NMBR: variants seen among roughly 807,000 people sequenced by gnomAD.
NMBR encodes neuromedin-B receptor.
In NMBR, 16 loss-of-function variants were observed where a neutral mutation model predicts 20.5. The observed-to-expected ratio is 0.78, with a 90% CI of 0.53 to 1.19. NMBR has a LOEUF of 1.19. Among genes scored for constraint, NMBR ranks in the 50% most tolerant of loss-of-function variants. The pLI is 0.00. For missense variants in NMBR, 582 were observed against 499.1 expected (o/e 1.17, Z -1.58); for synonymous variants, 212 against 196.6 (o/e 1.08, Z -0.65).
intron 1 of NMBR, among the ~76,000 whole-genome samples, chr6:142,109,089 C>T (rs1374063654): frequency 6.6e-6 from 1 of 152,200 alleles, no homozygotes; most frequent in African/African-American, 2.4e-5. Flanking sequence ...CAGCTCCAAC[C>T]CTGTGGCTTT....
chr6:142,107,632 T>C (rs1195151576), intron 1 of NMBR, among the ~76,000 whole-genome samples: 2 of 152,158 alleles, frequency 1.3e-5, no homozygotes, highest in Non-Finnish European at 2.9e-5. Flanking sequence ...TACTACAGTA[T>C]ATTTTCTAAA....
chr6:142,123,858 C>A (rs1439988520), intron 1 of NMBR, among the ~76,000 whole-genome samples: 1 of 151,908 alleles, frequency 6.6e-6, no homozygotes, highest in Non-Finnish European at 1.5e-5. Context: ...CCGTAGTTTG[C>A]CGAACCCCTT....
rs1415450338 is a variant in NMBR, at chr6:142,093,654, T to C, written c.-663-4333A>G. Among the ~76,000 whole-genome samples, 7 of 152,290 alleles carry C rather than the reference T, an allele frequency of 4.6e-5. No individual in the cohort carries two copies. The South Asian group carries it at 1.4e-3, about 32-fold the overall frequency. ...TTATAGCAGCATGATTTATAATCCT[T>C]TGGGTATATACCCAGTAATGGGATT... On this transcript the variant is annotated intron_variant, in intron 1 of 3. Transcript: ENST00000258042.
chr6:142,086,166 C>T (rs548516815), intron 2 of NMBR, among the ~76,000 whole-genome samples: 10 of 151,900 alleles, frequency 6.6e-5, no homozygotes, highest in African/African-American at 1.9e-4. Flanking sequence ...CTTTAAATGG[C>T]GTTCAAACAT....
At chr6:142,092,075 C>T (rs1398282550) in intron 1 of NMBR, among the ~76,000 whole-genome samples, 1 of 151,936 alleles carries the variant, frequency 6.6e-6, no homozygotes, top group Admixed American at 6.6e-5. Context: ...CAAGTATACT[C>T]GCTATTATCA....
chr6:142,146,258 G>A (rs1292074294), intron 1 of NMBR, among the ~76,000 whole-genome samples: 1 of 152,210 alleles, frequency 6.6e-6, no homozygotes, highest in Non-Finnish European at 1.5e-5. Flanking sequence ...GGGTGAGAGA[G>A]TGATCAGAAA....
intron 1 of NMBR, among the ~76,000 whole-genome samples, chr6:142,109,826 T>A (rs1256812886): frequency 6.6e-6 from 1 of 152,112 alleles, no homozygotes; most frequent in Non-Finnish European, 1.5e-5. Context: ...ATTGATGCCC[T>A]CATAAAAGAG....
chr6:142,078,043 C>G (rs1293274513), intron 3 of NMBR, among the ~76,000 whole-genome samples: 1 of 152,116 alleles, frequency 6.6e-6, no homozygotes, highest in African/African-American at 2.4e-5. Context: ...TGGATTGCAC[C>G]TTTGGGTTCC....
intron 1 of NMBR, among the ~76,000 whole-genome samples, chr6:142,116,658 T>G (rs924864159): frequency 1.6e-4 from 25 of 152,184 alleles, no homozygotes; most frequent in Admixed American, 1.2e-3. Context: ...AAAGATCTTT[T>G]TGTATCATTT....
chr6:142,143,089 A>AAT (rs1331039416), intron 1 of NMBR, among the ~76,000 whole-genome samples: 2 of 152,130 alleles, frequency 1.3e-5, no homozygotes, highest in South Asian at 2.1e-4. Context: ...TAACTTTAAA[A>AAT]ATATATATAA....
chr6:142,107,896 A>G (rs1487072202), intron 1 of NMBR, among the ~76,000 whole-genome samples: 1 of 152,186 alleles, frequency 6.6e-6, no homozygotes, highest in Non-Finnish European at 1.5e-5. Flanking sequence ...TATTTTAAAA[A>G]ACAAATGGAA....
At chr6:142,105,651 T>TAAC (rs2114584737) in intron 1 of NMBR, among the ~76,000 whole-genome samples, 1 of 152,298 alleles carries the variant, frequency 6.6e-6, no homozygotes, top group Non-Finnish European at 1.5e-5. Context: ...CATTTTTGTT[T>TAAC]ATACTTTTGT....
rs777023719 is a variant in NMBR at position 142,078,649 on chromosome 6, G to A, written c.677C>T (p.Ala226Val). 1.2e-6 allele frequency: 2 copies of A among 1,612,402 alleles called. No individual in the cohort carries two copies. The highest frequency in any genetic ancestry group is 1.7e-6 in the Non-Finnish European group (2 of 1,178,696). Residue 226 changes from alanine to valine, a missense_variant, in exon 3 of 4, where the codon GCT (alanine) becomes GTT (valine). Ala to Val is a moderately conservative substitution (Grantham distance 64). Transcript: ENST00000258042. ...ATGATAATAATAAATGCTAATAATA[G>A]CAAGTGGTATGAGGAAATAGACCAA... Reference protein sequence around the residue: ...IFLVYFLIPLAIISIYYYHIA... With the variant: ...IFLVYFLIPLVIISIYYYHIA...
intron 1 of NMBR, among the ~76,000 whole-genome samples, chr6:142,095,249 T>G (rs1777422710): frequency 6.6e-6 from 1 of 152,162 alleles, no homozygotes; most frequent in Admixed American, 6.5e-5. Context: ...AAGGGAATGC[T>G]TCCGGTTTTT....
chr6:142,092,333 A>G (rs1777341139), intron 1 of NMBR, among the ~76,000 whole-genome samples: 1 of 151,954 alleles, frequency 6.6e-6, no homozygotes, highest in Non-Finnish European at 1.5e-5. Context: ...AGTAGATAAT[A>G]CTGGGAAAAC....
At chr6:142,102,795 T>C (rs951201097) in intron 1 of NMBR, among the ~76,000 whole-genome samples, 3 of 152,188 alleles carry the variant, frequency 2.0e-5, no homozygotes, top group Non-Finnish European at 4.4e-5. Flanking sequence ...AAGTTGTCCG[T>C]GTATAAGGCT....
Position 142,147,040 on chromosome 6 carries a change from C to T in NMBR, c.-664+4G>A. 2.0e-6 allele frequency: 1 copy of T among 490,838 alleles called. No homozygotes were observed. The highest frequency in any genetic ancestry group is 3.6e-5 in the South Asian group (1 of 27,452). 30.4% of individuals were successfully genotyped at this position (490,838 alleles called of 1,614,324 possible). A position where few individuals can be genotyped will look rare whatever the true frequency, so the allele number is the denominator to read the frequency against. On this transcript the variant is annotated splice_donor_region_variant and intron_variant, in intron 1 of 3. Coordinates refer to ENST00000258042, the MANE Select transcript of NMBR (RefSeq NM_002511.4). ...CAAAACAAAACAAAAACCCTTCCTC[C>T]TACCAGCAGAGAGCGCTAGCGCCAT...
intron 1 of NMBR, among the ~76,000 whole-genome samples, chr6:142,146,144 G>A (rs559631132): frequency 6.6e-6 from 1 of 152,286 alleles, no homozygotes; most frequent in South Asian, 2.1e-4. Flanking sequence ...GTTTCAGGCT[G>A]AGTAAAAAAG....
chr6:142,126,960 G>T (rs1273309742), intron 1 of NMBR, among the ~76,000 whole-genome samples: 1 of 151,170 alleles, frequency 6.6e-6, no homozygotes, highest in African/African-American at 2.4e-5. Context: ...TTTTTGTTTT[G>T]TTTTATTTTG....
Sources: allele counts gnomAD v4.1 joint callset (sites outside exome capture counted in the v4.1 genomes callset), GRCh38; gene constraint gnomAD v4.1.1; transcripts MANE v1.5; gene names NCBI Gene and HGNC (gene_info 2026-07-23, HGNC 2026-07-21).